The following FGD6 variants were observed in gnomAD, a reference collection of about 807,000 sequenced individuals.
FGD6 encodes FYVE, RhoGEF and PH domain containing 6.
Under a neutral mutation model 149.4 loss-of-function variants are expected in FGD6, and 90 were observed. That is an observed-to-expected ratio of 0.60 (90% CI 0.51 to 0.72). The LOEUF (loss-of-function observed/expected upper bound fraction) is 0.72, where lower values mean the gene tolerates loss of function less well. Ranked by LOEUF, FGD6 falls within the 30% of genes least tolerant of loss-of-function variation. The pLI is 0.00. For synonymous variants in FGD6, 527 were observed against 584.0 expected, an observed-to-expected ratio of 0.90 and a Z score of 1.41; for missense variants, 1,437 against 1,684.8, an observed-to-expected ratio of 0.85 and a Z score of 2.57.
intron 19 of FGD6, chr12:95,085,562 TTAA>T (rs1877838749): frequency 1.9e-6 from 1 of 529,994 alleles, no homozygotes; most frequent in East Asian, 3.2e-5. Flanking sequence ...AAATTGCATT[TTAA>T]TAATATGGAA....
intron 2 of FGD6, among the ~76,000 whole-genome samples, chr12:95,207,170 T>A (rs2136302270): frequency 6.6e-6 from 1 of 152,208 alleles, no homozygotes; most frequent in East Asian, 1.9e-4. Flanking sequence ...GTGAGTGGGT[T>A]CTCACAAGAT....
In FGD6 at chr12:95,210,628, C is replaced by G. The variant is rs139356057; in HGVS notation, c.656G>C (p.Arg219Thr). 2 of 1,614,176 alleles carry G rather than the reference C, an allele frequency of 1.2e-6. No homozygotes were observed. The highest frequency in any genetic ancestry group is 2.2e-5 in the South Asian group (2 of 91,082). ...AGGTGACAAATCCGCAAATTCAATT[C>G]TGAATTGTCCATTTGAATTACAGCC... ...NGGCNSNGQFRIEFADLSPSP... is the reference protein window; with the variant it reads ...NGGCNSNGQFTIEFADLSPSP... The change falls in exon 2 of 21, where the codon AGA (arginine) becomes ACA (threonine). Residue 219 changes from arginine to threonine, a missense_variant. Arg to Thr is a moderately conservative substitution (Grantham distance 71). Coordinates refer to ENST00000343958, the MANE Select transcript of FGD6 (RefSeq NM_018351.4).
chr12:95,125,617 C>G (rs1225369044), intron 8 of FGD6: 1 of 274,248 alleles, frequency 3.6e-6, no homozygotes, highest in Non-Finnish European at 7.0e-6. Context: ...ACCTGGGAAA[C>G]AGAGCAAGAC....
chr12:95,204,517 A>T (rs1474305540), intron 2 of FGD6, among the ~76,000 whole-genome samples: 1 of 152,138 alleles, frequency 6.6e-6, no homozygotes, highest in Non-Finnish European at 1.5e-5. Flanking sequence ...ATCACTCCTG[A>T]CGACTTTCAG....
At chr12:95,180,093 A>G (rs1028878023) in intron 2 of FGD6, among the ~76,000 whole-genome samples, 1 of 147,344 alleles carries the variant, frequency 6.8e-6, no homozygotes, top group Non-Finnish European at 1.5e-5. Flanking sequence ...AAAAAAAAAA[A>G]GGAGGTAGAT....
intron 5 of FGD6, among the ~76,000 whole-genome samples, chr12:95,143,210 A>T (rs567085098): frequency 3.3e-5 from 5 of 152,260 alleles, no homozygotes; most frequent in African/African-American, 1.2e-4. Context: ...AAATCAACCA[A>T]AAAAGTATAC....
intron 18 of FGD6, among the ~76,000 whole-genome samples, 154 bp downstream of exon 18, chr12:95,089,415 T>A (rs1229877671): frequency 6.6e-6 from 1 of 152,256 alleles, no homozygotes; most frequent in Non-Finnish European, 1.5e-5. Flanking sequence ...CAAGCAAGAT[T>A]GTGAGGCATC....
intron 8 of FGD6, among the ~76,000 whole-genome samples, chr12:95,122,047 A>AT (rs1311729619): frequency 6.6e-6 from 1 of 152,142 alleles, no homozygotes; most frequent in African/African-American, 2.4e-5. Flanking sequence ...TTGCAATGCT[A>AT]TTGTGTAACT....
intron 2 of FGD6, among the ~76,000 whole-genome samples, chr12:95,196,259 G>GT (rs1382228496): frequency 1.3e-5 from 2 of 152,228 alleles, no homozygotes; most frequent in Non-Finnish European, 2.9e-5. Context: ...GTAACAGCAG[G>GT]TTGTGCATAG....
chr12:95,110,445 T>G (rs1440898517), intron 9 of FGD6, among the ~76,000 whole-genome samples: 4 of 151,330 alleles, frequency 2.6e-5, no homozygotes, highest in Non-Finnish European at 5.9e-5. Flanking sequence ...AACCTCCGCC[T>G]CCCAGATTCA....
intron 14 of FGD6, chr12:95,100,434 A>C (rs1878386504): frequency 7.4e-6 from 2 of 269,246 alleles, no homozygotes; most frequent in Admixed American, 5.0e-5. Context: ...CCAGACTACT[A>C]ACAAAAGCAC....
chr12:95,176,489 G>A (rs1185522970), intron 2 of FGD6, among the ~76,000 whole-genome samples: 1 of 152,134 alleles, frequency 6.6e-6, no homozygotes, highest in Non-Finnish European at 1.5e-5. Context: ...ACTTCCCCAA[G>A]CACCCTAAGT....
chr12:95,094,547 A>T (rs999770140), intron 15 of FGD6, 45 bp downstream of exon 15: 4 of 1,383,418 alleles, frequency 2.9e-6, no homozygotes, highest in Middle Eastern at 1.8e-4. Context: ...TAAGGTAAAA[A>T]CTTTGAAATG....
intron 5 of FGD6, among the ~76,000 whole-genome samples, chr12:95,147,199 G>A (rs1592851315): frequency 6.6e-6 from 1 of 152,296 alleles, no homozygotes; most frequent in African/African-American, 2.4e-5. Context: ...TGATAAATAT[G>A]CAGAAATGAG....
At chr12:95,213,110 A>G (rs2056736291) in intron 1 of FGD6, among the ~76,000 whole-genome samples, 1 of 152,180 alleles carries the variant, frequency 6.6e-6, no homozygotes, top group Non-Finnish European at 1.5e-5. Flanking sequence ...CTAGTTGTAA[A>G]TGTCTATTAA....
At chr12:95,176,965 CT>C (rs1369098130) in intron 2 of FGD6, among the ~76,000 whole-genome samples, 1 of 152,098 alleles carries the variant, frequency 6.6e-6, no homozygotes, top group African/African-American at 2.4e-5. Context: ...GTAGCTGAGA[CT>C]ATAGGTGTAC....
At chr12:95,127,699 C>G (rs973412726) in intron 8 of FGD6, among the ~76,000 whole-genome samples, 8 of 152,002 alleles carry the variant, frequency 5.3e-5, no homozygotes, top group African/African-American at 1.9e-4. Flanking sequence ...TTTCTAAAAC[C>G]TAGAGGCAGT....
chr12:95,164,593 G>A (rs1880743187), intron 3 of FGD6, among the ~76,000 whole-genome samples: 2 of 152,018 alleles, frequency 1.3e-5, no homozygotes, highest in African/African-American at 4.8e-5. Context: ...GCTGTGCCTA[G>A]CTAATTTTTG....
intron 18 of FGD6, among the ~76,000 whole-genome samples, chr12:95,088,235 A>G (rs1205807953): frequency 6.6e-6 from 1 of 152,216 alleles, no homozygotes; most frequent in Non-Finnish European, 1.5e-5. Context: ...TACAAAATAA[A>G]TCAGGGTTGT....
Sources: allele counts gnomAD v4.1 joint callset (sites outside exome capture counted in the v4.1 genomes callset), GRCh38; gene constraint gnomAD v4.1.1; transcripts MANE v1.5; gene names NCBI Gene and HGNC (gene_info 2026-07-23, HGNC 2026-07-21).